The following SPHK1 variants were observed in gnomAD, a reference collection of about 807,000 sequenced individuals.
SPHK1 encodes the protein sphingosine kinase 1.
A neutral mutation model predicts 14.6 loss-of-function variants in SPHK1; 10 were observed. The observed-to-expected ratio is 0.68, with a 90% CI of 0.42 to 1.16. The LOEUF (loss-of-function observed/expected upper bound fraction) is 1.16. Ranked by LOEUF, SPHK1 falls within the 50% of genes most tolerant of loss-of-function variation. The probability of loss-of-function intolerance (pLI) is 0.00; values close to 1 mark genes in which losing one functional copy is unlikely to be tolerated. For synonymous variants in SPHK1, 274 were observed against 224.0 expected (o/e 1.22, Z -1.99); for missense variants, 553 against 525.4 (o/e 1.05, Z -0.51).
At position 76,386,155 on chromosome 17, in the gene SPHK1, G is replaced by C; in HGVS notation, c.163+18G>C. ...GCTCACTGGTGAGTACCTCTCGGAG[G>C]GGGTTTCGGGAGCATCCCCTGGCAG... On this transcript the variant is annotated intron_variant, in intron 3 of 5. Coordinates refer to ENST00000592299, the MANE Select transcript of SPHK1 (RefSeq NM_001142601.2). This position sits in a 1 kb window ranked among gnomAD's most constrained non-coding sequence, Gnocchi z 5.3. 1.3e-6 allele frequency: 2 copies of C among 1,589,404 alleles called. No homozygotes were observed. The highest frequency in any genetic ancestry group is 2.2e-5 in the South Asian group (2 of 90,562).
chr17:76,385,976 T>C lies in SPHK1; in HGVS notation c.11-9T>C. 1 of 1,592,950 alleles carries C rather than the reference T, an allele frequency of 6.3e-7. No individual in the cohort carries two copies. Among genetic ancestry groups the C allele is most frequent in the Non-Finnish European group, 8.6e-7 (1 of 1,168,334 alleles). On this transcript the variant is annotated splice_polypyrimidine_tract_variant and intron_variant, in intron 2 of 5. Coordinates refer to ENST00000592299, the MANE Select transcript of SPHK1 (RefSeq NM_001142601.2). The surrounding 1 kb of genome is among the most constrained non-coding windows in gnomAD (Gnocchi z 5.3). ...TGCGGACGTGGCCTCTTTGGTTTTGTTTTCTCAGCGGGCGGCCCCCGGGGC... is the reference window on the plus strand; with the variant it reads ...TGCGGACGTGGCCTCTTTGGTTTTGCTTTCTCAGCGGGCGGCCCCCGGGGC...
Position 76,385,864 on chromosome 17 carries a change from C to T in SPHK1, c.11-121C>T, listed in dbSNP as rs1414452653. On this transcript the variant is annotated intron_variant, in intron 2 of 5. Coordinates refer to ENST00000592299, the MANE Select transcript of SPHK1 (RefSeq NM_001142601.2). The surrounding 1 kb of genome is among the most constrained non-coding windows in gnomAD (Gnocchi z 5.3). Reference sequence around the variant, plus strand: ...AGGTCTCCCAGCAAAGGCCGCTCCTCTGGCCAGGGTCAATTACCGGGGTGT... The same window carrying T: ...AGGTCTCCCAGCAAAGGCCGCTCCTTTGGCCAGGGTCAATTACCGGGGTGT... 6.8e-5 allele frequency: 102 copies of T among 1,489,816 alleles called. No homozygotes were observed. The highest frequency in any genetic ancestry group is 9.0e-5 in the Non-Finnish European group (100 of 1,115,076). The allele number at this position is 1,489,816 out of a possible 1,614,324, so 92.3% of individuals were successfully genotyped here.
Position 76,385,124 on chromosome 17 carries a change from G to A in SPHK1, c.-195+318G>A. ...CCCAGCAATGTCCGCTCAAGTTCTGGGATTTTTACGCAGCTGGACTCCCCT... is the reference window on the plus strand; with the variant it reads ...CCCAGCAATGTCCGCTCAAGTTCTGAGATTTTTACGCAGCTGGACTCCCCT... On this transcript the variant is annotated intron_variant, in intron 1 of 5. Coordinates refer to ENST00000592299, the MANE Select transcript of SPHK1 (RefSeq NM_001142601.2). The surrounding 1 kb of genome is among the most constrained non-coding windows in gnomAD (Gnocchi z 5.3). 1 of 1,590,078 alleles carries A rather than the reference G, an allele frequency of 6.3e-7. No homozygotes were observed. Among genetic ancestry groups the A allele is most frequent in the South Asian group, 1.2e-5 (1 of 86,930 alleles).
Position 76,387,683 on chromosome 17 carries a change from A to G in SPHK1, c.*97A>G. The G allele has an allele frequency of 7.5e-7, 1 of 1,340,384 alleles. No homozygotes were observed. Among genetic ancestry groups the G allele is most frequent in the Non-Finnish European group, 1.0e-6 (1 of 1,000,472 alleles). The allele number at this position is 1,340,384 out of a possible 1,614,324, so 83.0% of individuals were successfully genotyped here. A position where few individuals can be genotyped will look rare whatever the true frequency, so the allele number is the denominator to read the frequency against. ...TCCACAGCTCCTGTGGGGGTGGAGGAGACTCCTCTGGAGAAGGGTGAGAAG... is the reference window on the plus strand; with the variant it reads ...TCCACAGCTCCTGTGGGGGTGGAGGGGACTCCTCTGGAGAAGGGTGAGAAG... On this transcript the variant is annotated 3_prime_UTR_variant, in exon 6 of 6. Transcript: ENST00000592299. The surrounding 1 kb of genome is among the most constrained non-coding windows in gnomAD (Gnocchi z 4.1).
At chr17:76,384,202 G>A (rs2071917944), upstream of SPHK1, 1 of 159,388 alleles carries the variant, frequency 6.3e-6, no homozygotes, top group African/African-American at 2.4e-5. Context: ...TGGCGTCGAG[G>A]TGAAACCAAG....
Position 76,385,112 on chromosome 17 carries a change from G to C in SPHK1, c.-195+306G>C. The C allele has an allele frequency of 6.3e-7, 1 of 1,581,306 alleles. No homozygotes were observed. The highest frequency in any genetic ancestry group is 1.3e-5 in the African/African-American group (1 of 74,680). ...CAGAACTTCGTGCCCAGCAATGTCCGCTCAAGTTCTGGGATTTTTACGCAG... is the reference window on the plus strand; with the variant it reads ...CAGAACTTCGTGCCCAGCAATGTCCCCTCAAGTTCTGGGATTTTTACGCAG... On this transcript the variant is annotated intron_variant, in intron 1 of 5. Transcript: ENST00000592299. The surrounding 1 kb of genome is among the most constrained non-coding windows in gnomAD (Gnocchi z 5.3).
At chr17:76,384,012 A>G, upstream of SPHK1, 1 of 514,528 alleles carries the variant, frequency 1.9e-6, no homozygotes, top group Non-Finnish European at 2.9e-6. Flanking sequence ...GTTAAAAATA[A>G]CCTCCGTGGG....
chr17:76,383,832 C>CG, upstream of SPHK1: 2 of 1,286,054 alleles, frequency 1.6e-6, no homozygotes, highest in Admixed American at 2.3e-5. Context: ...CCAGAGGGGG[C>CG]GGGGGGCACG....
Position 76,385,497 on chromosome 17 carries a change from T to C in SPHK1, c.-148T>C. 1 of 1,556,256 alleles carries C rather than the reference T, an allele frequency of 6.4e-7. No homozygotes were observed. Among genetic ancestry groups the C allele is most frequent in the Non-Finnish European group, 8.6e-7 (1 of 1,158,878 alleles). ...ACGCCGGTGCTCCTGCAGCCACGGC[T>C]CCGGGCGGGGAAGGCGAGCCCCACA... On this transcript the variant is annotated 5_prime_UTR_variant, in exon 2 of 6. Coordinates refer to ENST00000592299, the MANE Select transcript of SPHK1 (RefSeq NM_001142601.2). The surrounding 1 kb of genome is among the most constrained non-coding windows in gnomAD (Gnocchi z 5.3).
At position 76,386,383 on chromosome 17, in the gene SPHK1, G is replaced by A. The variant is rs771618273; in HGVS notation, c.259-10G>A. The stretch of plus-strand genomic sequence containing the variant: ...TGCGTCCCAGGCTGAGGCCACGTGT[G>A]CTTCAACAGGTGGTGAACGGGCTCA... On this transcript the variant is annotated splice_polypyrimidine_tract_variant and intron_variant, in intron 4 of 5. Transcript: ENST00000592299. The surrounding 1 kb of genome is among the most constrained non-coding windows in gnomAD (Gnocchi z 5.3). The A allele has an allele frequency of 4.1e-5, 66 of 1,609,112 alleles. No homozygotes were observed. In the South Asian group the frequency reaches 6.8e-4, roughly 17 times the overall value.
chr17:76,387,569 C>A lies in SPHK1; in HGVS notation c.1138C>A (p.Pro380Thr). The A allele has an allele frequency of 6.3e-7, 1 of 1,596,004 alleles. No individual in the cohort carries two copies. The highest frequency in any genetic ancestry group is 8.5e-7 in the Non-Finnish European group (1 of 1,173,764). The change falls in exon 6 of 6, where the codon CCA becomes ACA. Residue 380 changes from proline (P) to threonine (T), a missense_variant. Transcript: ENST00000592299. This position sits in a 1 kb window ranked among gnomAD's most constrained non-coding sequence, Gnocchi z 4.1. Reference sequence around the variant, plus strand: ...CTGGAAGCCCCAGCAGATGCCACCGCCAGAAGAGCCCTTATGACCCCTGGG... The same window carrying A: ...CTGGAAGCCCCAGCAGATGCCACCGACAGAAGAGCCCTTATGACCCCTGGG... ...PSWKPQQMPPPEEPL is the reference protein window; with the variant it reads ...PSWKPQQMPPTEEPL
At position 76,387,388 on chromosome 17, in the gene SPHK1, G is replaced by C. The variant is rs577600312; in HGVS notation, c.957G>C (p.Leu319Phe). Residue 319 changes from leucine to phenylalanine, a missense_variant, in exon 6 of 6, where the codon TTG (leucine) becomes TTC (phenylalanine). Transcript: ENST00000592299. The surrounding 1 kb of genome is among the most constrained non-coding windows in gnomAD (Gnocchi z 4.1). ...ATATGGAGTATGAATGCCCCTACTT[G>C]GTATATGTGCCCGTGGTCGCCTTCC... Reference protein sequence around the residue: ...GRHMEYECPYLVYVPVVAFRL... With the variant: ...GRHMEYECPYFVYVPVVAFRL... 36 of 1,613,858 alleles carry C rather than the reference G, an allele frequency of 2.2e-5. 1 individual carries two copies. In the South Asian group the frequency reaches 4.0e-4, roughly 18 times the overall value.
rs756558408 is a variant in SPHK1, at chr17:76,385,768, C to T, written c.10+114C>T. ...GTGGACGATCGGGAGAAACATTATCCCTCACGAGGCCAGAAGCCGGCCGAA... is the reference window on the plus strand; with the variant it reads ...GTGGACGATCGGGAGAAACATTATCTCTCACGAGGCCAGAAGCCGGCCGAA... On this transcript the variant is annotated intron_variant, in intron 2 of 5. Coordinates refer to ENST00000592299, the MANE Select transcript of SPHK1 (RefSeq NM_001142601.2). This position sits in a 1 kb window ranked among gnomAD's most constrained non-coding sequence, Gnocchi z 5.3. The T allele has an allele frequency of 3.7e-5, 52 of 1,418,014 alleles. No individual in the cohort carries two copies. Among genetic ancestry groups the T allele is most frequent in the Non-Finnish European group, 4.8e-5 (50 of 1,041,018 alleles). 87.8% of individuals were successfully genotyped at this position (1,418,014 alleles called of 1,614,324 possible). A position where few individuals can be genotyped will look rare whatever the true frequency, so the allele number is the denominator to read the frequency against.
chr17:76,385,850 C>A lies in SPHK1; in HGVS notation c.11-135C>A. Reference sequence around the variant, plus strand: ...CGCGTCCCCACCCCAGGTCTCCCAGCAAAGGCCGCTCCTCTGGCCAGGGTC... The same window carrying A: ...CGCGTCCCCACCCCAGGTCTCCCAGAAAAGGCCGCTCCTCTGGCCAGGGTC... On this transcript the variant is annotated intron_variant, in intron 2 of 5. Transcript: ENST00000592299. This position sits in a 1 kb window ranked among gnomAD's most constrained non-coding sequence, Gnocchi z 5.3. 1.3e-6 allele frequency: 2 copies of A among 1,488,036 alleles called. No individual in the cohort carries two copies. The highest frequency in any genetic ancestry group is 1.3e-5 in the South Asian group (1 of 78,994). 92.2% of individuals were successfully genotyped at this position (1,488,036 alleles called of 1,614,324 possible).
chr17:76,385,748 CG>C lies in SPHK1; in HGVS notation c.10+95del. ...CCAGCTGGACGAAAGGGGCTGTGGACGATCGGGAGAAACATTATCCCTCACG... is the reference window on the plus strand; with the variant it reads ...CCAGCTGGACGAAAGGGGCTGTGGACATCGGGAGAAACATTATCCCTCACG... On this transcript the variant is annotated intron_variant, in intron 2 of 5. Coordinates refer to ENST00000592299, the MANE Select transcript of SPHK1 (RefSeq NM_001142601.2). The surrounding 1 kb of genome is among the most constrained non-coding windows in gnomAD (Gnocchi z 5.3). The C allele has an allele frequency of 7.0e-7, 1 of 1,431,592 alleles. No homozygotes were observed. The highest frequency in any genetic ancestry group is 9.5e-7 in the Non-Finnish European group (1 of 1,054,842). 88.7% of individuals were successfully genotyped at this position (1,431,592 alleles called of 1,614,324 possible).
chr17:76,386,369 C>CTGAG lies in SPHK1; in HGVS notation c.259-23_259-20dup. 1 of 1,607,794 alleles carries CTGAG rather than the reference C, an allele frequency of 6.2e-7. No homozygotes were observed. Among genetic ancestry groups the CTGAG allele is most frequent in the Middle Eastern group, 1.7e-4 (1 of 6,046 alleles). ...GGGGCTTGGCGCGGTGCGTCCCAGG[C>CTGAG]TGAGGCCACGTGTGCTTCAACAGGT... On this transcript the variant is annotated intron_variant, in intron 4 of 5. Transcript: ENST00000592299. This position sits in a 1 kb window ranked among gnomAD's most constrained non-coding sequence, Gnocchi z 5.3.
At chr17:76,383,876 GC>G, upstream of SPHK1, 4 of 1,274,742 alleles carry the variant, frequency 3.1e-6, no homozygotes, top group East Asian at 5.9e-5. Flanking sequence ...CCCGACGGGG[GC>G]CCCCAGGCCC....
rs2072008250 is a variant in SPHK1, at chr17:76,387,278, G to A, written c.847G>A (p.Gly283Ser). 1 of 1,613,528 alleles carries A rather than the reference G, an allele frequency of 6.2e-7. No homozygotes were observed. The highest frequency in any genetic ancestry group is 1.1e-5 in the South Asian group (1 of 91,068). The part of the protein sequence containing the change: ...FAAPMGRCAA[G>S]VMHLFYVRAG... The stretch of plus-strand genomic sequence containing the variant: ...TGCACCCATGGGCCGCTGTGCAGCT[G>A]GCGTCATGCATCTGTTCTACGTGCG... Residue 283 changes from glycine to serine, a missense_variant, in exon 6 of 6, where the codon GGC (glycine) becomes AGC (serine). Gly to Ser is a moderately conservative substitution (Grantham distance 56, BLOSUM62 0). Coordinates refer to ENST00000592299, the MANE Select transcript of SPHK1 (RefSeq NM_001142601.2). This position sits in a 1 kb window ranked among gnomAD's most constrained non-coding sequence, Gnocchi z 4.1.
Position 76,385,026 on chromosome 17 carries a change from C to A in SPHK1, c.-195+220C>A. 1 of 1,488,324 alleles carries A rather than the reference C, an allele frequency of 6.7e-7. No homozygotes were observed. Among genetic ancestry groups the A allele is most frequent in the Non-Finnish European group, 9.0e-7 (1 of 1,106,062 alleles). 92.2% of individuals were successfully genotyped at this position (1,488,324 alleles called of 1,614,324 possible). A position where few individuals can be genotyped will look rare whatever the true frequency, so the allele number is the denominator to read the frequency against. On this transcript the variant is annotated intron_variant, in intron 1 of 5. Transcript: ENST00000592299. This position sits in a 1 kb window ranked among gnomAD's most constrained non-coding sequence, Gnocchi z 5.3. ...GAGAAGCGCGCGCCGCGGCTCCCACCGCTCTGGAGCTCCGGGCAGGGGACA... is the reference window on the plus strand; with the variant it reads ...GAGAAGCGCGCGCCGCGGCTCCCACAGCTCTGGAGCTCCGGGCAGGGGACA...
Sources: allele counts gnomAD v4.1 joint callset, GRCh38; gene constraint gnomAD v4.1.1; non-coding constraint Gnocchi (gnomAD v3.1); transcripts MANE v1.5; gene names NCBI Gene and HGNC (gene_info 2026-07-23, HGNC 2026-07-21).